The following SP140L variants were observed in gnomAD, a reference collection of about 807,000 sequenced individuals.
SP140L encodes SP140 like nuclear body protein.
A neutral mutation model predicts 84.3 loss-of-function variants in SP140L; 64 were observed. That is an observed-to-expected ratio of 0.76 (90% confidence interval 0.62 to 0.94). SP140L has a LOEUF of 0.94. SP140L is among the 40% of genes least tolerant of loss of function. The probability of loss-of-function intolerance (pLI) is 0.00; values close to 1 mark genes in which losing one functional copy is unlikely to be tolerated. For synonymous variants in SP140L, 242 were observed against 236.9 expected, an observed-to-expected ratio of 1.02 and a Z score of -0.20; for missense variants, 628 against 692.5, an observed-to-expected ratio of 0.91 and a Z score of 1.05.
chr2:230,374,761 A>G (rs1386385416), intron 7 of SP140L, among the ~76,000 whole-genome samples: 2 of 152,234 alleles, frequency 1.3e-5, no homozygotes, highest in Non-Finnish European at 2.9e-5. Context: ...GATTGTGAGC[A>G]TTTTTTGAGC....
At chr2:230,332,428 T>G (rs2059751051) in intron 2 of SP140L, among the ~76,000 whole-genome samples, 1 of 152,228 alleles carries the variant, frequency 6.6e-6, no homozygotes, top group African/African-American at 2.4e-5. Flanking sequence ...TACAGCTCTT[T>G]GTAATTTTTC....
intron 2 of SP140L, among the ~76,000 whole-genome samples, chr2:230,338,855 C>T (rs1257687652): frequency 2.1e-5 from 3 of 143,574 alleles, no homozygotes; most frequent in African/African-American, 8.0e-5. Context: ...CCCACTTGAT[C>T]ATGGTGGATA....
In SP140L at chr2:230,365,501, C is replaced by T. The variant is rs74550147; in HGVS notation, c.523+3804C>T. On this transcript the variant is annotated intron_variant, in intron 5 of 18. Transcript: ENST00000415673. The stretch of plus-strand genomic sequence containing the variant: ...AGTTACAGCGTCTTCTCTTTTATTT[C>T]TGATATTATTCATTTGAGTCTTTTC... Among the ~76,000 whole-genome samples the T allele has an allele frequency of 7.2e-3, 1,090 of 151,900 alleles. 11 individuals are homozygous for T. Among genetic ancestry groups the T allele is most frequent in the African/African-American group, 0.025 (1,032 of 41,470 alleles).
At chr2:230,328,878 G>A (rs2059651203) in intron 2 of SP140L, 47 bp downstream of exon 2, 1 of 1,579,132 alleles carries the variant, frequency 6.3e-7, no homozygotes, top group Non-Finnish European at 8.6e-7. Context: ...TCCTGATAAT[G>A]TGGAAAGCTG....
At chr2:230,369,780 G>GT (rs1189007719) in intron 5 of SP140L, among the ~76,000 whole-genome samples, 1 of 152,114 alleles carries the variant, frequency 6.6e-6, no homozygotes, top group Non-Finnish European at 1.5e-5. Flanking sequence ...TTGTTTTCTT[G>GT]TTTTTGAGAC....
intron 13 of SP140L, 135 bp from the exon 14 acceptor site, chr2:230,396,622 C>T: frequency 1.0e-6 from 1 of 997,874 alleles, no homozygotes; most frequent in Middle Eastern, 2.2e-4. Flanking sequence ...AGCCTACTGG[C>T]CTTCATCTCC....
intron 9 of SP140L, among the ~76,000 whole-genome samples, chr2:230,387,754 T>G (rs535540519): frequency 3.2e-4 from 49 of 152,318 alleles, no homozygotes; most frequent in African/African-American, 1.1e-3. Flanking sequence ...TAACATGCAC[T>G]TGGGAGAACG....
At chr2:230,384,431 C>T (rs1485818373) in intron 8 of SP140L, among the ~76,000 whole-genome samples, 1 of 152,132 alleles carries the variant, frequency 6.6e-6, no homozygotes, top group African/African-American at 2.4e-5. Context: ...GTCTTATTTT[C>T]CAAATGATGC....
chr2:230,390,965 T>A (rs1490495160), intron 11 of SP140L, among the ~76,000 whole-genome samples: 16 of 152,220 alleles, frequency 1.1e-4, no homozygotes, highest in Admixed American at 1.0e-3. Context: ...TCTAGGCATT[T>A]TCTGCAAATG....
At chr2:230,395,477 G>A (rs1032420599) in intron 13 of SP140L, among the ~76,000 whole-genome samples, 1 of 152,148 alleles carries the variant, frequency 6.6e-6, no homozygotes, top group Non-Finnish European at 1.5e-5. Context: ...CTACTCAGGA[G>A]GCTGAGGTGG....
chr2:230,371,909 C>T (rs2061087136), intron 7 of SP140L: 1 of 427,262 alleles, frequency 2.3e-6, no homozygotes. Flanking sequence ...ATGTGGTGGG[C>T]CCAATCTAAT....
At chr2:230,400,710 A>C in intron 15 of SP140L, 1 of 844,576 alleles carries the variant, frequency 1.2e-6, no homozygotes, top group Non-Finnish European at 1.8e-6. Flanking sequence ...CAGACAGGGA[A>C]AGGATAGTCC....
chr2:230,353,542 G>A (rs1194035993), intron 2 of SP140L, among the ~76,000 whole-genome samples: 1 of 151,996 alleles, frequency 6.6e-6, no homozygotes, highest in Non-Finnish European at 1.5e-5. Flanking sequence ...ACATTAATGG[G>A]AAATGTTCTG....
intron 8 of SP140L, 34 bp downstream of exon 8, chr2:230,383,609 G>C (rs55793821): frequency 0.015 from 23,701 of 1,578,958 alleles, 226 homozygotes; most frequent in Middle Eastern, 0.036. Context: ...TACAGCTTTT[G>C]AGTTTATTAA....
At chr2:230,381,640 G>A (rs1021219755) in intron 7 of SP140L, among the ~76,000 whole-genome samples, 1 of 151,990 alleles carries the variant, frequency 6.6e-6, no homozygotes, top group Non-Finnish European at 1.5e-5. Flanking sequence ...AGGATCACTT[G>A]AGGCCAGGAG....
intron 11 of SP140L, 166 bp from the exon 12 acceptor site, chr2:230,391,921 T>G: frequency 3.4e-6 from 3 of 882,112 alleles, no homozygotes; most frequent in Non-Finnish European, 5.2e-6. Flanking sequence ...TAGAGGGGAC[T>G]TTCAGGCTGG....
rs565886810 is a variant in SP140L, at chr2:230,345,312, G to GTTACCACT, written c.108-12492_108-12485dup. On this transcript the variant is annotated intron_variant, in intron 2 of 18. Transcript: ENST00000415673. Reference sequence around the variant, plus strand: ...GTGTATTTTGTCCAACATAAAGATAGTTACCACTGCTTTCGTTTGGTCACT... The same window carrying GTTACCACT: ...GTGTATTTTGTCCAACATAAAGATAGTTACCACTTTACCACTGCTTTCGTTTGGTCACT... Among the ~76,000 whole-genome samples, 21 of 152,242 alleles carry GTTACCACT rather than the reference G, an allele frequency of 1.4e-4. No homozygotes were observed. In the East Asian group the frequency reaches 3.7e-3, roughly 27 times the overall value.
intron 5 of SP140L, among the ~76,000 whole-genome samples, chr2:230,366,701 G>GATTATCATT (rs1336367990): frequency 1.1e-5 from 1 of 88,218 alleles, no homozygotes; most frequent in African/African-American, 5.7e-5. Context: ...TTGTTTTGTG[G>GATTATCATT]ATTATTATCT....
intron 13 of SP140L, 60 bp downstream of exon 13, chr2:230,393,521 A>G: frequency 6.7e-7 from 1 of 1,483,254 alleles, no homozygotes; most frequent in Non-Finnish European, 8.9e-7. Context: ...CATGTACAAC[A>G]TCTTATTTTA....
Sources: gnomAD v4.1 joint callset for allele counts (sites outside exome capture counted in the v4.1 genomes callset) on GRCh38, gnomAD v4.1.1 for gene constraint, MANE v1.5 for transcripts, NCBI Gene and HGNC (gene_info 2026-07-23, HGNC 2026-07-21) for gene names.